Variants in LRPPRC observed in about 807,000 individuals in gnomAD.
LRPPRC encodes the protein leucine-rich PPR motif-containing protein, mitochondrial.
Under a neutral mutation model 180.3 loss-of-function variants are expected in LRPPRC, and 120 were observed. The ratio of observed to expected loss-of-function variants is 0.67; its 90% CI spans 0.57 to 0.77. LRPPRC has a LOEUF of 0.77. LRPPRC is among the 30% of genes least tolerant of loss of function. LRPPRC has a pLI of 0.00. For synonymous variants in LRPPRC, 723 were observed against 600.0 expected (o/e 1.21, Z -3.00); for missense variants, 2,012 against 1,657.2 (o/e 1.21, Z -3.72).
Position 43,948,429 on chromosome 2 carries a change from G to A in LRPPRC, c.1825C>T (p.His609Tyr), listed in dbSNP as rs755885122. Residue 609 changes from histidine (H) to tyrosine (Y), a missense_variant, in exon 17 of 38, where the codon CAT becomes TAT. His to Tyr is a moderately conservative substitution (Grantham distance 83). Transcript: ENST00000260665. The part of the protein sequence containing the change: ...AKEEHLRQYF[H>Y]QLEKMNVKIP... ...AATGGTACCATCTTCTCCAGCTGAT[G>A]GAAGTATTGTCTCAAATGCTCCTCC... 4 of 1,609,146 alleles carry A rather than the reference G, an allele frequency of 2.5e-6. No individual in the cohort carries two copies. Among genetic ancestry groups the A allele is most frequent in the Non-Finnish European group, 3.4e-6 (4 of 1,175,540 alleles).
intron 31 of LRPPRC, 43 bp from the exon 32 acceptor site, chr2:43,901,567 T>C (rs1558906268): frequency 1.5e-6 from 2 of 1,296,846 alleles, no homozygotes; most frequent in Non-Finnish European, 2.2e-6. Context: ...ATATGACCTG[T>C]GCTGACTTTA....
At position 43,916,389 on chromosome 2, in the gene LRPPRC, T is replaced by G. The variant is rs140534256; in HGVS notation, c.3148+1636A>C. Among the ~76,000 whole-genome samples, 101 of 152,190 alleles carry G rather than the reference T, an allele frequency of 6.6e-4. No homozygotes were observed. In the East Asian group the frequency reaches 0.02, roughly 29 times the overall value. On this transcript the variant is annotated intron_variant, in intron 29 of 37. Coordinates refer to ENST00000260665, the MANE Select transcript of LRPPRC (RefSeq NM_133259.4). ...GAGGGTTAAAGACGGTCATAAAAAATTTAAAGTAGGCATAATAAAGGTGAA... is the reference window on the plus strand; with the variant it reads ...GAGGGTTAAAGACGGTCATAAAAAAGTTAAAGTAGGCATAATAAAGGTGAA...
At chr2:43,915,234 A>ACACACACACT (rs1671421481) in intron 29 of LRPPRC, among the ~76,000 whole-genome samples, 1 of 45,314 alleles carries the variant, frequency 2.2e-5, no homozygotes, top group Admixed American at 2.8e-4. Context: ...TCTCTCTCTC[A>ACACACACACT]CACACACACA....
chr2:43,955,016 C>A (rs1244861959), intron 14 of LRPPRC, among the ~76,000 whole-genome samples: 1 of 152,140 alleles, frequency 6.6e-6, no homozygotes, highest in Admixed American at 6.5e-5. Context: ...ACACTCCAGG[C>A]TCTTAATTTT....
chr2:43,947,625 A>T, intron 19 of LRPPRC, 106 bp downstream of exon 19: 1 of 782,206 alleles, frequency 1.3e-6, no homozygotes, highest in Non-Finnish European at 2.3e-6. Context: ...GAGGTATACA[A>T]GATGATAAAA....
chr2:43,889,528 A>G (rs1331043921), intron 37 of LRPPRC, among the ~76,000 whole-genome samples: 1 of 152,048 alleles, frequency 6.6e-6, no homozygotes, highest in East Asian at 1.9e-4. Context: ...CAGACCTTGT[A>G]TTTTAAACTG....
chr2:43,975,841 CCAAAGTG>C (rs1320196576), intron 6 of LRPPRC, among the ~76,000 whole-genome samples: 1 of 152,116 alleles, frequency 6.6e-6, no homozygotes, highest in African/African-American at 2.4e-5. Flanking sequence ...CCTCAGCCTC[CCAAAGTG>C]CTGGGATTAC....
At chr2:43,929,974 A>G (rs1334608255) in intron 25 of LRPPRC, among the ~76,000 whole-genome samples, 1 of 149,278 alleles carries the variant, frequency 6.7e-6, no homozygotes, top group African/African-American at 2.4e-5. Context: ...ACAAACAAAC[A>G]AACAAACAAA....
chr2:43,898,116 C>T (rs1339322423), intron 34 of LRPPRC, among the ~76,000 whole-genome samples: 1 of 131,954 alleles, frequency 7.6e-6, no homozygotes, highest in Non-Finnish European at 1.6e-5. Context: ...ACAAGCAAAG[C>T]AAAACAAGAA....
chr2:43,983,266 A>C (rs1186245558), intron 1 of LRPPRC, among the ~76,000 whole-genome samples: 34 of 152,122 alleles, frequency 2.2e-4, no homozygotes, highest in Non-Finnish European at 5.0e-4. Context: ...ATGCTCTCTA[A>C]CATGAAATCT....
At chr2:43,955,783 A>G (rs1021851729) in intron 14 of LRPPRC, among the ~76,000 whole-genome samples, 1 of 152,202 alleles carries the variant, frequency 6.6e-6, no homozygotes, top group Admixed American at 6.5e-5. Context: ...AACTGATTCA[A>G]CAAGGATTAC....
At chr2:43,928,422 C>T (rs1365014019) in intron 25 of LRPPRC, among the ~76,000 whole-genome samples, 22 of 152,080 alleles carry the variant, frequency 1.4e-4, no homozygotes, top group Non-Finnish European at 1.5e-5. Flanking sequence ...GAAGATTATC[C>T]TGAATTTAAC....
intron 27 of LRPPRC, among the ~76,000 whole-genome samples, chr2:43,923,340 T>A (rs546357698): frequency 2.6e-5 from 4 of 151,346 alleles, no homozygotes; most frequent in Non-Finnish European, 5.9e-5. Context: ...AAAAAAAAAA[T>A]TATTAGCAAG....
chr2:43,889,751 G>A lies in LRPPRC; in HGVS notation c.4111C>T (p.Pro1371Ser), dbSNP rs1173633095. Residue 1371 changes from proline (P) to serine (S), a missense_variant, in exon 37 of 38, where the codon CCT (proline) becomes TCT (serine). By Grantham distance (74) the Pro-to-Ser change is moderately conservative. Transcript: ENST00000260665. ...ATACTCACAGGGGGTTCAATGAAAG[G>A]GACAGGCTCTCCAGCATACTTCAGC... is the stretch of plus-strand genomic sequence containing the variant. ...SLLKYAGEPV[P>S]FIEPPESFEF... 3 of 1,613,172 alleles carry A rather than the reference G, an allele frequency of 1.9e-6. No homozygotes were observed. The highest frequency in any genetic ancestry group is 1.7e-6 in the Non-Finnish European group (2 of 1,179,156).
chr2:43,939,301 AAATAAAAAC>A (rs1405198479), intron 23 of LRPPRC, among the ~76,000 whole-genome samples: 9 of 150,278 alleles, frequency 6.0e-5, no homozygotes, highest in African/African-American at 1.7e-4. Context: ...ATAAAAATAA[AAATAAAAAC>A]AACAACAACA....
chr2:43,961,693 G>A (rs1673353392), intron 12 of LRPPRC, among the ~76,000 whole-genome samples: 1 of 152,180 alleles, frequency 6.6e-6, no homozygotes, highest in Non-Finnish European at 1.5e-5. Flanking sequence ...GGGCGCAGTG[G>A]CTCACACCTG....
intron 1 of LRPPRC, 49 bp from the exon 2 acceptor site, chr2:43,982,483 T>G (rs1439254291): frequency 7.0e-7 from 1 of 1,418,606 alleles, no homozygotes; most frequent in Non-Finnish European, 9.9e-7. Flanking sequence ...TCTATTTAGG[T>G]CATTTTTTGA....
Position 43,963,518 on chromosome 2 carries a change from G to C in LRPPRC, c.1488+70C>G, listed in dbSNP as rs753795945. The C allele has an allele frequency of 5.2e-6, 5 of 968,084 alleles. No homozygotes were observed. The Admixed American group carries it at 6.8e-5, about 13-fold the overall frequency. 60.0% of individuals were successfully genotyped at this position (968,084 alleles called of 1,614,324 possible). ...CCTCAGTTCAATGACTTTTTTGTGTGTCAACACTAAACATTAAGGAGGAAA... is the reference window on the plus strand; with the variant it reads ...CCTCAGTTCAATGACTTTTTTGTGTCTCAACACTAAACATTAAGGAGGAAA... On this transcript the variant is annotated intron_variant, in intron 12 of 37. Transcript: ENST00000260665.
chr2:43,919,444 G>C (rs990510404), intron 27 of LRPPRC, among the ~76,000 whole-genome samples: 3 of 152,136 alleles, frequency 2.0e-5, no homozygotes, highest in Admixed American at 6.5e-5. Flanking sequence ...TGTTTCTTGT[G>C]TTGACATGAA....
Sources: gnomAD v4.1 joint callset for allele counts (sites outside exome capture counted in the v4.1 genomes callset) on GRCh38, gnomAD v4.1.1 for gene constraint, MANE v1.5 for transcripts, NCBI Gene and HGNC (gene_info 2026-07-23, HGNC 2026-07-21) for gene names.